Variants in VIL1 observed in about 807,000 individuals in gnomAD.
VIL1 encodes villin 1.
A neutral mutation model predicts 104.0 loss-of-function variants in VIL1; 86 were observed. The observed-to-expected ratio is 0.83, with a 90% CI of 0.69 to 0.99. The LOEUF (loss-of-function observed/expected upper bound fraction) is 0.99, where lower values mean the gene tolerates loss of function less well. VIL1 is among the 50% of genes least tolerant of loss of function. The pLI, the probability that VIL1 is intolerant of heterozygous loss-of-function variation, is 0.00. For missense variants in VIL1, 944 were observed against 1,054.1 expected, an observed-to-expected ratio of 0.90 and a Z score of 1.45; for synonymous variants, 394 against 412.6, an observed-to-expected ratio of 0.95 and a Z score of 0.55.
Position 218,450,296 on chromosome 2 carries a change from T to C in VIL1, c.*960T>C, listed in dbSNP as rs1689447846. Reference sequence around the variant, plus strand: ...ATTTCATACACACAAAAAAACTCTATGCATAATTTAAAAAGGAAACAAAAA... The same window carrying C: ...ATTTCATACACACAAAAAAACTCTACGCATAATTTAAAAAGGAAACAAAAA... On this transcript the variant is annotated 3_prime_UTR_variant, in exon 20 of 20. Coordinates refer to ENST00000248444, the MANE Select transcript of VIL1 (RefSeq NM_007127.3). The C allele has an allele frequency of 6.6e-6, 1 of 152,238 alleles. No homozygotes were observed. The highest frequency in any genetic ancestry group is 1.5e-5 in the Non-Finnish European group (1 of 67,996). 9.4% of individuals were successfully genotyped at this position (152,238 alleles called of 1,614,324 possible).
intron 12 of VIL1, 77 bp downstream of exon 12, chr2:218,432,260 C>A: frequency 6.4e-7 from 1 of 1,556,198 alleles, no homozygotes; most frequent in African/African-American, 1.3e-5. Flanking sequence ...AAGTGGCCAT[C>A]ACCCTTGGGT....
chr2:218,435,510 G>A, intron 15 of VIL1, 76 bp downstream of exon 15: 1 of 1,544,690 alleles, frequency 6.5e-7, no homozygotes, highest in South Asian at 1.2e-5. Context: ...TACACCCAGA[G>A]CCTACAGCAG....
rs931948508 is a variant in VIL1, at chr2:218,450,697, GTTC to G, written c.*1367_*1369del. On this transcript the variant is annotated 3_prime_UTR_variant, in exon 20 of 20. Transcript: ENST00000248444. ...TTGAAGTAGACCAGTTTAGTTGACT[GTTC>G]TTCTTTGTTCTGGCATCTGACTGGA... The G allele has an allele frequency of 8.5e-5, 13 of 152,240 alleles. No individual in the cohort carries two copies. The highest frequency in any genetic ancestry group is 3.1e-4 in the African/African-American group (13 of 41,448). 9.4% of individuals were successfully genotyped at this position (152,240 alleles called of 1,614,324 possible).
intron 16 of VIL1, 34 bp from the exon 17 acceptor site, chr2:218,437,090 G>T (rs779165249): frequency 1.2e-6 from 2 of 1,602,348 alleles, no homozygotes; most frequent in Non-Finnish European, 1.7e-6. Context: ...GGGAGGACAG[G>T]AAGGATGGAC....
At chr2:218,421,997 T>C (rs1329370572) in intron 1 of VIL1, among the ~76,000 whole-genome samples, 2 of 152,172 alleles carry the variant, frequency 1.3e-5, no homozygotes. Context: ...CTCACGCCTG[T>C]AATTCCAGCA....
At chr2:218,423,711 C>A in intron 1 of VIL1, 57 bp from the exon 2 acceptor site, 1 of 1,572,250 alleles carries the variant, frequency 6.4e-7, no homozygotes, top group Non-Finnish European at 8.7e-7. Flanking sequence ...TAGGGGCAGG[C>A]TGGAAGGGCA....
chr2:218,425,982 A>C (rs1018405554), intron 4 of VIL1, among the ~76,000 whole-genome samples, 171 bp downstream of exon 4: 1 of 151,372 alleles, frequency 6.6e-6, no homozygotes, highest in African/African-American at 2.4e-5. Flanking sequence ...CTGTGGGGGG[A>C]GGCACGAGGG....
Position 218,430,833 on chromosome 2 carries a change from A to C in VIL1, c.1057A>C (p.Asn353His), listed in dbSNP as rs1301798780. Residue 353 changes from asparagine (N) to histidine (H), a missense_variant, in exon 10 of 20, where the codon AAC becomes CAC. Coordinates refer to ENST00000248444, the MANE Select transcript of VIL1 (RefSeq NM_007127.3). ...GCTCTTCCAGAAGTGGACAGCGTCC[A>C]ACCGGACCTCAGGCCTAGGCAAAAC... ...QQLFQKWTASNRTSGLGKTHT... is the reference protein window; with the variant it reads ...QQLFQKWTASHRTSGLGKTHT... 6.2e-7 allele frequency: 1 copy of C among 1,614,090 alleles called. No homozygotes were observed. Among genetic ancestry groups the C allele is most frequent in the Non-Finnish European group, 8.5e-7 (1 of 1,179,984 alleles).
At chr2:218,435,569 G>A in intron 15 of VIL1, 135 bp downstream of exon 15, 2 of 1,251,674 alleles carry the variant, frequency 1.6e-6, no homozygotes, top group Non-Finnish European at 2.2e-6. Context: ...GACCCCCAGG[G>A]CTACAAGATG....
intron 19 of VIL1, among the ~76,000 whole-genome samples, chr2:218,441,703 A>C (rs1689287713): frequency 6.6e-6 from 1 of 151,830 alleles, no homozygotes; most frequent in South Asian, 2.1e-4. Context: ...ACAGACTTAC[A>C]TTGGCCTGGC....
At chr2:218,433,723 A>G (rs1689137774) in intron 13 of VIL1, among the ~76,000 whole-genome samples, 1 of 152,154 alleles carries the variant, frequency 6.6e-6, no homozygotes, top group Non-Finnish European at 1.5e-5. Flanking sequence ...CCTGGCCAAC[A>G]TGGCAAAACT....
chr2:218,432,905 C>T lies in VIL1; in HGVS notation c.1454C>T (p.Pro485Leu). Reference sequence around the variant, plus strand: ...ATCCGGGTCCCAATGGGCAAGGAGCCACCTCATCTTATGTCCATCTTCAAG... The same window carrying T: ...ATCCGGGTCCCAATGGGCAAGGAGCTACCTCATCTTATGTCCATCTTCAAG... ...VQIRVPMGKE[P>L]PHLMSIFKGR... The change falls in exon 13 of 20, where the codon CCA becomes CTA. Residue 485 changes from proline to leucine, a missense_variant. By Grantham distance (98) the Pro-to-Leu change is moderately conservative. Transcript: ENST00000248444. 6.2e-7 allele frequency: 1 copy of T among 1,614,216 alleles called. No individual in the cohort carries two copies. The highest frequency in any genetic ancestry group is 8.5e-7 in the Non-Finnish European group (1 of 1,180,034).
chr2:218,448,441 T>C (rs1482864712), intron 19 of VIL1, among the ~76,000 whole-genome samples: 1 of 151,660 alleles, frequency 6.6e-6, no homozygotes, highest in African/African-American at 2.4e-5. Context: ...GCCAGGTGCC[T>C]GTAGTCCTAG....
chr2:218,420,428 C>CAAAAAAAAAAA (rs71064447), intron 1 of VIL1, among the ~76,000 whole-genome samples: 1 of 80,228 alleles, frequency 1.2e-5, no homozygotes, highest in African/African-American at 5.3e-5. Flanking sequence ...GACTCTGTCT[C>CAAAAAAAAAAA]AAAAAAAAAA....
Position 218,425,654 on chromosome 2 carries a change from T to C in VIL1, c.190T>C (p.Tyr64His), listed in dbSNP as rs1396281021. 6.2e-7 allele frequency: 1 copy of C among 1,613,992 alleles called. No homozygotes were observed. Among genetic ancestry groups the C allele is most frequent in the Non-Finnish European group, 8.5e-7 (1 of 1,180,026 alleles). ...CAGCAGCCTGTCCTATGACATCCAC[T>C]ACTGGATTGGCCAGGACTCATCCCT... ...TASSLSYDIH[Y>H]WIGQDSSLDE... Residue 64 changes from tyrosine to histidine, a missense_variant, in exon 4 of 20, where the codon TAC becomes CAC. Coordinates refer to ENST00000248444, the MANE Select transcript of VIL1 (RefSeq NM_007127.3).
rs533719008 is a variant in VIL1 at position 218,446,432 on chromosome 2, A to C, written c.2371-2791A>C. On this transcript the variant is annotated intron_variant, in intron 19 of 19. Transcript: ENST00000248444. ...GTATTTTTAGTAGAGATGGGGTTTC[A>C]CCATGTTGGCCAGGCTGGTCTCGAA... is the stretch of plus-strand genomic sequence containing the variant. Among the ~76,000 whole-genome samples the C allele has an allele frequency of 3.3e-5, 5 of 152,162 alleles. 1 individual carries two copies. In the South Asian group the frequency reaches 1.0e-3, roughly 32 times the overall value.
intron 1 of VIL1, among the ~76,000 whole-genome samples, chr2:218,420,023 C>A (rs1250793791): frequency 6.6e-6 from 1 of 152,204 alleles, no homozygotes; most frequent in African/African-American, 2.4e-5. Flanking sequence ...TTCACCCCCA[C>A]TGCCCCACCA....
rs1016927191 is a variant in VIL1, at chr2:218,433,033, T to C, written c.1500+82T>C. 17 of 1,562,994 alleles carry C rather than the reference T, an allele frequency of 1.1e-5. No homozygotes were observed. In the Admixed American group the frequency reaches 2.9e-4, roughly 27 times the overall value. On this transcript the variant is annotated intron_variant, in intron 13 of 19. Transcript: ENST00000248444. ...GGGAGATGGAGAAGGGGATGGGTGGTGGGAGCAGGGCTTGAGGTGAAGCCC... is the reference window on the plus strand; with the variant it reads ...GGGAGATGGAGAAGGGGATGGGTGGCGGGAGCAGGGCTTGAGGTGAAGCCC...
intron 19 of VIL1, among the ~76,000 whole-genome samples, chr2:218,448,074 A>G (rs1689394696): frequency 6.6e-6 from 1 of 152,086 alleles, no homozygotes; most frequent in African/African-American, 2.4e-5. Context: ...TGCCTGGGCA[A>G]CATGGTGAAA....
Sources: gnomAD v4.1 joint callset for allele counts (sites outside exome capture counted in the v4.1 genomes callset) on GRCh38, gnomAD v4.1.1 for gene constraint, MANE v1.5 for transcripts, NCBI Gene and HGNC (gene_info 2026-07-23, HGNC 2026-07-21) for gene names.